PRR14L: variants seen among roughly 807,000 people sequenced by gnomAD.
The protein encoded by PRR14L is protein PRR14L.
In PRR14L, 80 loss-of-function variants were observed where a neutral mutation model predicts 155.0. The ratio of observed to expected loss-of-function variants is 0.52; its 90% CI spans 0.43 to 0.62. PRR14L has a LOEUF of 0.62. Among genes scored for constraint, PRR14L ranks in the 20% least tolerant of loss-of-function variants. PRR14L has a pLI of 0.00. For missense variants in PRR14L, 2,469 were observed against 2,548.0 expected (o/e 0.97, Z 0.67); for synonymous variants, 883 against 916.0 (o/e 0.96, Z 0.65).
intron 2 of PRR14L, among the ~76,000 whole-genome samples, chr22:31,731,001 T>C (rs558782796): frequency 6.6e-6 from 1 of 152,186 alleles, no homozygotes; most frequent in Non-Finnish European, 1.5e-5. Context: ...ACTTGGCCAC[T>C]GGGAGCCCCT....
At chr22:31,694,976 G>T (rs932752133) in intron 7 of PRR14L, among the ~76,000 whole-genome samples, 1 of 151,838 alleles carries the variant, frequency 6.6e-6, no homozygotes, top group South Asian at 2.1e-4. Context: ...CCTGCTACTC[G>T]GGAGGCTGAG....
chr22:31,740,463 C>T (rs545406861), intron 1 of PRR14L, among the ~76,000 whole-genome samples: 2 of 152,196 alleles, frequency 1.3e-5, no homozygotes, highest in South Asian at 4.1e-4. Flanking sequence ...CGTGATCTGT[C>T]CACCTCGGCC....
chr22:31,701,295 C>CT (rs1197558284), intron 7 of PRR14L, among the ~76,000 whole-genome samples: 2 of 152,066 alleles, frequency 1.3e-5, no homozygotes, highest in African/African-American at 4.8e-5. Context: ...GCTTGGAGAT[C>CT]TTTTTTAAGA....
In PRR14L at chr22:31,724,543, GGT is replaced by G. The variant is rs369769732; in HGVS notation, c.547+993_547+994del. 2.4e-3 allele frequency among the ~76,000 whole-genome samples: 362 copies of G among 152,210 alleles called. 3 individuals carry two copies. The highest frequency in any genetic ancestry group is 8.3e-3 in the African/African-American group (346 of 41,532). The stretch of plus-strand genomic sequence containing the variant: ...AGCCTCCCGAGTAGCTGGGACCACA[GGT>G]GTGTGTGCTGCCATGCTAATTTTTG... On this transcript the variant is annotated intron_variant, in intron 3 of 8. Transcript: ENST00000327423.
intron 3 of PRR14L, among the ~76,000 whole-genome samples, chr22:31,717,926 A>ATTT (rs531724278): frequency 1.5e-5 from 2 of 134,516 alleles, no homozygotes; most frequent in African/African-American, 5.5e-5. Flanking sequence ...CCCCCAGCTA[A>ATTT]TTTTTTTTTT....
chr22:31,724,502 A>G (rs952974001), intron 3 of PRR14L, among the ~76,000 whole-genome samples: 1 of 152,132 alleles, frequency 6.6e-6, no homozygotes, highest in Non-Finnish European at 1.5e-5. Flanking sequence ...CCAGGGCTCA[A>G]GTATCCTTCT....
chr22:31,739,002 A>G (rs948151105), intron 1 of PRR14L, 91 bp from the exon 2 acceptor site: 4 of 592,322 alleles, frequency 6.8e-6, no homozygotes, highest in Middle Eastern at 4.5e-4. Context: ...AACGAAGAAA[A>G]TAAGTTCTAC....
chr22:31,741,166 T>C (rs1201476133), intron 1 of PRR14L, among the ~76,000 whole-genome samples: 2 of 142,066 alleles, frequency 1.4e-5, no homozygotes, highest in South Asian at 2.2e-4. Context: ...GGCAGGAGAA[T>C]GGTGTGAACC....
Position 31,746,453 on chromosome 22 carries a change from A to G in PRR14L, c.-52+3540T>C, listed in dbSNP as rs2074838271. On this transcript the variant is annotated intron_variant, in intron 1 of 8. Transcript: ENST00000327423. ...AGGGAAGAGTGAGTAACACATGCTT[A>G]TAAAATGTAGACAGGGATTTACAGC... Among the ~76,000 whole-genome samples the G allele has an allele frequency of 1.3e-5, 2 of 152,336 alleles. 1 individual carries two copies. The highest frequency in any genetic ancestry group is 3.9e-4 in the East Asian group (2 of 5,188).
rs781464777 is a variant in PRR14L at position 31,716,560 on chromosome 22, G to A, written c.1279C>T (p.Arg427Cys). ...AREPEKEISG[R>C]CSGEKEPVVS... ...ACAGGCTCTTTTTCACCAGAACAAC[G>A]ACCACTAATCTCCTTTTCTGGTTCC... The change falls in exon 4 of 9, where the codon CGT becomes TGT. Residue 427 changes from arginine to cysteine, a missense_variant. Physicochemically the swap from Arg to Cys is radical, Grantham distance 180. This residue lies in a region of PRR14L where 2,363 missense variants were observed against 2,371.6 expected (regional missense o/e 1.00). Transcript: ENST00000327423. 45 of 1,547,304 alleles carry A rather than the reference G, an allele frequency of 2.9e-5. No homozygotes were observed. The highest frequency in any genetic ancestry group is 2.2e-4 in the African/African-American group (16 of 72,588).
At chr22:31,688,254 T>C in intron 7 of PRR14L, 27 bp from the exon 8 acceptor site, 8 of 1,552,032 alleles carry the variant, frequency 5.2e-6, no homozygotes, top group Non-Finnish European at 6.9e-6. Flanking sequence ...AAAAAAATTC[T>C]TCAGGTTCTC....
Position 31,684,537 on chromosome 22 carries a change from C to G in PRR14L, c.*990G>C, listed in dbSNP as rs905981481. The G allele has an allele frequency of 6.6e-6, 1 of 152,140 alleles. No homozygotes were observed. The highest frequency in any genetic ancestry group is 2.4e-5 in the African/African-American group (1 of 41,430). The allele number at this position is 152,140 out of a possible 1,614,324, so 9.4% of individuals were successfully genotyped here. On this transcript the variant is annotated 3_prime_UTR_variant, in exon 9 of 9. Transcript: ENST00000327423. Reference sequence around the variant, plus strand: ...TCAATGATCGGGAGAGAAACCTGCTCTTACTTAAATCACTAAAATAAATAC... The same window carrying G: ...TCAATGATCGGGAGAGAAACCTGCTGTTACTTAAATCACTAAAATAAATAC...
At chr22:31,728,934 G>A (rs543431471) in intron 2 of PRR14L, among the ~76,000 whole-genome samples, 16 of 152,302 alleles carry the variant, frequency 1.1e-4, no homozygotes, top group Admixed American at 3.3e-4. Context: ...AGTTCTCAAT[G>A]CTAAATCATC....
intron 5 of PRR14L, 155 bp downstream of exon 5, chr22:31,704,500 T>C: frequency 6.5e-6 from 3 of 461,496 alleles, no homozygotes; most frequent in Non-Finnish European, 1.2e-5. Context: ...CAGATTTCAA[T>C]CTCAGAAATG....
At chr22:31,740,854 A>G (rs2074809117) in intron 1 of PRR14L, among the ~76,000 whole-genome samples, 1 of 152,176 alleles carries the variant, frequency 6.6e-6, no homozygotes, top group Non-Finnish European at 1.5e-5. Context: ...TAAATCCAAA[A>G]GATTAGGCTG....
At chr22:31,746,252 T>C (rs2074837312) in intron 1 of PRR14L, among the ~76,000 whole-genome samples, 1 of 152,230 alleles carries the variant, frequency 6.6e-6, no homozygotes, top group African/African-American at 2.4e-5. Flanking sequence ...ATATTACATA[T>C]GTTAAAATGT....
chr22:31,711,109 TTG>T (rs756541299), intron 4 of PRR14L, among the ~76,000 whole-genome samples: 146 of 152,344 alleles, frequency 9.6e-4, no homozygotes, highest in Non-Finnish European at 1.3e-3. Flanking sequence ...TTACAAGCGA[TTG>T]TGTGTTACTA....
chr22:31,721,376 G>A (rs527769406), intron 3 of PRR14L, among the ~76,000 whole-genome samples: 37 of 152,258 alleles, frequency 2.4e-4, no homozygotes, highest in African/African-American at 8.7e-4. Flanking sequence ...AGACCATCCT[G>A]GCTAACATGG....
intron 4 of PRR14L, among the ~76,000 whole-genome samples, chr22:31,708,204 T>C (rs1392707305): frequency 6.6e-6 from 1 of 152,110 alleles, no homozygotes; most frequent in Non-Finnish European, 1.5e-5. Context: ...GTAACAGCAA[T>C]TCATCTTTCA....
Sources: gnomAD v4.1 joint callset for allele counts (sites outside exome capture counted in the v4.1 genomes callset) on GRCh38, gnomAD v4.1.1 for gene constraint, gnomAD v4.1.1 regional missense constraint, MANE v1.5 for transcripts, NCBI Gene and HGNC (gene_info 2026-07-23, HGNC 2026-07-21) for gene names.